Variants in IL1RAPL2 observed in about 807,000 individuals in gnomAD.
IL1RAPL2 encodes interleukin 1 receptor accessory protein like 2, also known as X-linked interleukin-1 receptor accessory protein-like 2.
Under a neutral mutation model 44.1 loss-of-function variants are expected in IL1RAPL2, and 3 were observed. That is an observed-to-expected ratio of 0.07 (90% CI 0.03 to 0.18). The LOEUF is 0.18. Among genes scored for constraint, IL1RAPL2 ranks in the 10% least tolerant of loss-of-function variants. The pLI, the probability that IL1RAPL2 is intolerant of heterozygous loss-of-function variation, is 1.00. For synonymous variants in IL1RAPL2, 181 were observed against 178.8 expected, an observed-to-expected ratio of 1.01 and a Z score of -0.10; for missense variants, 391 against 496.4, an observed-to-expected ratio of 0.79 and a Z score of 2.02.
At chrX:105,406,618 G>A (rs1164438402) in intron 5 of IL1RAPL2, 10 of 1,161,029 alleles carry the variant, frequency 8.6e-6, no homozygotes, top group East Asian at 6.0e-5. Flanking sequence ...AATTTAAGCC[G>A]CTGTAATCTT....
chrX:105,401,906 A>G (rs2035608820), intron 5 of IL1RAPL2, among the ~76,000 whole-genome samples: 2 of 110,461 alleles, frequency 1.8e-5, no homozygotes, highest in African/African-American at 6.6e-5. Context: ...ACAGAAAACT[A>G]CTTATTCTAT....
At chrX:104,977,619 C>A (rs953052120) in intron 2 of IL1RAPL2, among the ~76,000 whole-genome samples, 1 of 111,782 alleles carries the variant, frequency 8.9e-6, no homozygotes, top group African/African-American at 3.3e-5. Flanking sequence ...TAACACAGGG[C>A]AGGTGAGCTC....
At chrX:105,476,063 T>C (rs2036195927) in intron 5 of IL1RAPL2, among the ~76,000 whole-genome samples, 1 of 112,853 alleles carries the variant, frequency 8.9e-6, no homozygotes, top group South Asian at 3.6e-4. Flanking sequence ...GGCCCTAAGC[T>C]TTGCAGGGGC....
At chrX:104,660,275 A>T (rs955600391) in intron 2 of IL1RAPL2, among the ~76,000 whole-genome samples, 3 of 110,556 alleles carry the variant, frequency 2.7e-5, no homozygotes, top group South Asian at 7.6e-4. Context: ...GTTCAAATTG[A>T]TAGTTGCTGA....
At chrX:104,816,101 C>T (rs1480541756) in intron 2 of IL1RAPL2, among the ~76,000 whole-genome samples, 1 of 111,214 alleles carries the variant, frequency 9.0e-6, no homozygotes, top group Non-Finnish European at 1.9e-5. Context: ...ACTTCTGATG[C>T]TTCAGTGCTC....
Position 104,901,090 on chromosome X carries a change from T to A in IL1RAPL2, c.82+242095T>A, listed in dbSNP as rs1357460104. ...TACTTTAGGTCCTTCTATTATTCCTTTGTTTGTTCATTCAATATTAATATA... is the reference window on the plus strand; with the variant it reads ...TACTTTAGGTCCTTCTATTATTCCTATGTTTGTTCATTCAATATTAATATA... On this transcript the variant is annotated intron_variant, in intron 2 of 10. Transcript: ENST00000372582. Among the ~76,000 whole-genome samples, 4 of 110,953 alleles carry A rather than the reference T, an allele frequency of 3.6e-5. No individual in the cohort carries two copies. In the Admixed American group the frequency reaches 3.8e-4, roughly 11 times the overall value.
intron 1 of IL1RAPL2, among the ~76,000 whole-genome samples, chrX:104,567,403 T>G (rs914991640): frequency 5.3e-5 from 6 of 112,578 alleles, no homozygotes; most frequent in African/African-American, 1.9e-4. Flanking sequence ...TGGGCGCTTC[T>G]GACTGCCCAC....
At chrX:105,568,113 G>C (rs759315056) in intron 6 of IL1RAPL2, among the ~76,000 whole-genome samples, 1 of 111,033 alleles carries the variant, frequency 9.0e-6, no homozygotes, top group South Asian at 3.8e-4. Flanking sequence ...GACAGAGATG[G>C]AGACAGAGTC....
At chrX:105,626,336 G>T (rs2037452962) in intron 6 of IL1RAPL2, among the ~76,000 whole-genome samples, 1 of 111,432 alleles carries the variant, frequency 9.0e-6, no homozygotes, top group Admixed American at 9.6e-5. Context: ...AGGCATTAAT[G>T]AGTTGGAAGA....
At chrX:105,107,019 C>T (rs1313664408) in intron 2 of IL1RAPL2, among the ~76,000 whole-genome samples, 1 of 111,555 alleles carries the variant, frequency 9.0e-6, no homozygotes, top group Non-Finnish European at 1.9e-5. Context: ...ATGTCTATTC[C>T]CAGTAAGCAT....
chrX:104,935,395 A>G (rs1925002904), intron 2 of IL1RAPL2, among the ~76,000 whole-genome samples: 1 of 111,979 alleles, frequency 8.9e-6, no homozygotes, highest in Non-Finnish European at 1.9e-5. Context: ...CATTTCATTA[A>G]GACTTGGAAA....
chrX:105,054,301 G>A (rs1334427838), intron 2 of IL1RAPL2, among the ~76,000 whole-genome samples: 1 of 111,534 alleles, frequency 9.0e-6, no homozygotes, highest in African/African-American at 3.3e-5. Flanking sequence ...ACAGATAGTG[G>A]CCCTAGCAAG....
At chrX:105,307,512 AAT>A (rs1387765023) in intron 5 of IL1RAPL2, among the ~76,000 whole-genome samples, 1 of 56,309 alleles carries the variant, frequency 1.8e-5, no homozygotes. Flanking sequence ...TATTATATAT[AAT>A]ATATATATTT....
chrX:104,892,571 A>G (rs1487827306), intron 2 of IL1RAPL2, among the ~76,000 whole-genome samples: 1 of 111,492 alleles, frequency 9.0e-6, no homozygotes. Flanking sequence ...TTTCTAGTTT[A>G]TTTGTGTTAG....
rs551634468 is a variant in IL1RAPL2 at position 105,263,778 on chromosome X, C to T, written c.544-3610C>T. Among the ~76,000 whole-genome samples, 445 of 111,282 alleles carry T rather than the reference C, an allele frequency of 4.0e-3. 3 individuals carry two copies. Among genetic ancestry groups the T allele is most frequent in the African/African-American group, 0.013 (409 of 30,599 alleles). On this transcript the variant is annotated intron_variant, in intron 4 of 10. Transcript: ENST00000372582. ...ATGAGGGGATAGCAAGGCCACAAAA[C>T]GGATCTGATTGTTGAACTTAAGCAA...
chrX:104,588,495 C>G (rs1416981834), intron 1 of IL1RAPL2, among the ~76,000 whole-genome samples: 1 of 111,341 alleles, frequency 9.0e-6, no homozygotes, highest in African/African-American at 3.3e-5. Flanking sequence ...CAGTCTTAAA[C>G]TTACTTCTAG....
chrX:104,675,431 A>G (rs1930726657), intron 2 of IL1RAPL2, among the ~76,000 whole-genome samples: 1 of 111,564 alleles, frequency 9.0e-6, no homozygotes, highest in South Asian at 3.8e-4. Context: ...CTTAATCCTG[A>G]GTTCTAGTTT....
rs201794525 is a variant in IL1RAPL2 at position 104,860,583 on chromosome X, A to AT, written c.82+201597dup. 6.1e-3 allele frequency among the ~76,000 whole-genome samples: 671 copies of AT among 109,997 alleles called. 2 individuals are homozygous for AT. The highest frequency in any genetic ancestry group is 0.02 in the African/African-American group (592 of 30,323). On this transcript the variant is annotated intron_variant, in intron 2 of 10. Coordinates refer to ENST00000372582, the MANE Select transcript of IL1RAPL2 (RefSeq NM_017416.2). ...GAAGTGCTTGAGGTCAGAAGTGTAG[A>AT]TTTTTTTTTATTTTGGAATATTTGT...
rs764112223 is a variant in IL1RAPL2, at chrX:105,755,178, C to A, written c.1194C>A (p.Asp398Glu). ...QHFGADETND[D>E]NKEYDAYLSY... is the part of the protein sequence containing the mutation. ...CTTTTGTTGTTCTTTATGTTTAAGA[C>A]AACAAGGAATATGATGCCTATCTCT... The change falls in exon 10 of 11, where the codon GAC (aspartate) becomes GAA (glutamate). Residue 398 changes from aspartate (D) to glutamate (E), a missense_variant and splice_region_variant. By Grantham distance (45) the Asp-to-Glu change is conservative. Around this residue, in one of 2 missense-constraint regions of IL1RAPL2, gnomAD observed 232 missense variants for 244.8 expected, o/e 0.95. Coordinates refer to ENST00000372582, the MANE Select transcript of IL1RAPL2 (RefSeq NM_017416.2). 8.5e-7 allele frequency: 1 copy of A among 1,182,319 alleles called. No individual in the cohort carries two copies.
Sources: allele counts gnomAD v4.1 joint callset (sites outside exome capture counted in the v4.1 genomes callset), GRCh38; gene constraint gnomAD v4.1.1; regional missense constraint gnomAD v4.1.1; transcripts MANE v1.5; gene names NCBI Gene and HGNC (gene_info 2026-07-23, HGNC 2026-07-21).